CUX1: variants seen among roughly 807,000 people sequenced by gnomAD.
CUX1 encodes the protein cut like homeobox 1.
CUX1 carries 31 observed loss-of-function variants against 158.8 expected under a neutral mutation model. That is an observed-to-expected ratio of 0.20 (90% CI 0.15 to 0.26). The LOEUF is 0.26. Among genes scored for constraint, CUX1 ranks in the 10% least tolerant of loss-of-function variants. The pLI is 1.00. For synonymous variants in CUX1, 879 were observed against 862.1 expected, an observed-to-expected ratio of 1.02 and a Z score of -0.34; for missense variants, 1,589 against 2,014.6, an observed-to-expected ratio of 0.79 and a Z score of 4.04.
intron 21 of CUX1, among the ~76,000 whole-genome samples, chr7:102,231,804 C>T (rs552896432): frequency 6.0e-4 from 90 of 151,156 alleles, no homozygotes; most frequent in Non-Finnish European, 9.6e-4. Flanking sequence ...AGCTCCGCCT[C>T]CCGGGTTCAC....
chr7:101,964,549 C>CTCATTCTTTTTTGCCG (rs1408453509), intron 2 of CUX1, among the ~76,000 whole-genome samples: 1 of 152,080 alleles, frequency 6.6e-6, no homozygotes, highest in Admixed American at 6.6e-5. Flanking sequence ...TTTCAAGTTT[C>CTCATTCTTTTTTGCCG]TCATTCTTTT....
At chr7:101,821,947 C>G (rs1175358503) in intron 1 of CUX1, among the ~76,000 whole-genome samples, 1 of 145,830 alleles carries the variant, frequency 6.9e-6, no homozygotes, top group Non-Finnish European at 1.5e-5. Context: ...CTGAGCCTCC[C>G]GGGTTCACGC....
At chr7:101,825,778 TGTGTGTGTGTGTGTGTGTGTGCGC>T (rs1007161090) in intron 1 of CUX1, among the ~76,000 whole-genome samples, 7 of 99,046 alleles carry the variant, frequency 7.1e-5, no homozygotes, top group East Asian at 6.0e-4. Context: ...TGTGTGTGTG[TGTGTGTGTGTGTGTGTGTGTGCGC>T]GCGCGCGCGC....
chr7:102,035,955 TCCA>T (rs1821378015), intron 3 of CUX1, among the ~76,000 whole-genome samples: 1 of 152,136 alleles, frequency 6.6e-6, no homozygotes, highest in Non-Finnish European at 1.5e-5. Flanking sequence ...CACTGCAACC[TCCA>T]CCTCCCGGAT....
chr7:102,175,046 A>G (rs1233455109), intron 10 of CUX1, among the ~76,000 whole-genome samples: 1 of 152,222 alleles, frequency 6.6e-6, no homozygotes, highest in African/African-American at 2.4e-5. Flanking sequence ...CACCTCATTT[A>G]GTTCGTGCGA....
At chr7:102,006,370 C>G (rs1203617833) in intron 2 of CUX1, among the ~76,000 whole-genome samples, 1 of 152,164 alleles carries the variant, frequency 6.6e-6, no homozygotes, top group African/African-American at 2.4e-5. Context: ...TTTATCTCAT[C>G]TCGGTAGAAT....
rs985396224 is a variant in CUX1 at position 102,204,275 on chromosome 7, G to A, written c.2908-116G>A. The A allele has an allele frequency of 1.1e-4, 153 of 1,343,100 alleles. No individual in the cohort carries two copies. The South Asian group carries it at 1.9e-3, about 17-fold the overall frequency. The allele number at this position is 1,343,100 out of a possible 1,614,324, so 83.2% of individuals were successfully genotyped here. On this transcript the variant is annotated intron_variant, in intron 18 of 23. Transcript: ENST00000292535. Reference sequence around the variant, plus strand: ...CACCGCCACCAGGCCGTGGTTCTGTGCTCAGAAGTCAGCCCTAGACGCGCC... The same window carrying A: ...CACCGCCACCAGGCCGTGGTTCTGTACTCAGAAGTCAGCCCTAGACGCGCC...
intron 1 of CUX1, among the ~76,000 whole-genome samples, chr7:101,873,678 A>C (rs980586263): frequency 6.6e-6 from 1 of 151,958 alleles, no homozygotes; most frequent in African/African-American, 2.4e-5. Flanking sequence ...CCACTTCCCG[A>C]GTTCAAGCGA....
At chr7:102,280,886 C>G (rs201286613) in intron 20 of CUX1, 266 of 1,605,540 alleles carry the variant, frequency 1.7e-4, no homozygotes, top group East Asian at 5.6e-4. Flanking sequence ...TACCCACCCC[C>G]TCCCTGGACA....
intron 3 of CUX1, among the ~76,000 whole-genome samples, chr7:102,069,004 G>C (rs1274928709): frequency 6.6e-6 from 1 of 152,156 alleles, no homozygotes; most frequent in Non-Finnish European, 1.5e-5. Context: ...GCAAAACCTT[G>C]CCAGTTGCCT....
intron 3 of CUX1, among the ~76,000 whole-genome samples, chr7:102,063,913 C>G (rs987354420): frequency 1.4e-4 from 21 of 152,174 alleles, no homozygotes; most frequent in African/African-American, 4.8e-4. Flanking sequence ...ATCTGTCATC[C>G]TAGAACTCCA....
Position 102,158,615 on chromosome 7 carries a change from C to T in CUX1, c.723+7C>T. 9 of 1,613,968 alleles carry T rather than the reference C, an allele frequency of 5.6e-6. No individual in the cohort carries two copies. The highest frequency in any genetic ancestry group is 7.6e-6 in the Non-Finnish European group (9 of 1,179,884). On this transcript the variant is annotated splice_region_variant and intron_variant, in intron 9 of 23. Transcript: ENST00000292535. ...CCTTGAAAGGGCAAACCAGGTAGGA[C>T]CCTGGACGCTTTTAGTCCTAAAACC...
At chr7:102,128,968 T>G (rs1452504621) in intron 8 of CUX1, among the ~76,000 whole-genome samples, 2 of 150,924 alleles carry the variant, frequency 1.3e-5, no homozygotes. Context: ...ACAGAGACTC[T>G]GTTTCAAAAA....
chr7:101,910,526 C>A (rs567067925), intron 1 of CUX1, among the ~76,000 whole-genome samples: 1 of 151,972 alleles, frequency 6.6e-6, no homozygotes, highest in Non-Finnish European at 1.5e-5. Flanking sequence ...CAGGCCAAGG[C>A]GGGCAGATCG....
At chr7:101,992,637 C>A (rs1403213784) in intron 2 of CUX1, among the ~76,000 whole-genome samples, 1 of 152,138 alleles carries the variant, frequency 6.6e-6, no homozygotes, top group Non-Finnish European at 1.5e-5. Context: ...TGATTTAGAT[C>A]TTATTTCAGT....
intron 4 of CUX1, among the ~76,000 whole-genome samples, chr7:102,094,689 G>A (rs952545967): frequency 2.4e-4 from 36 of 152,144 alleles, no homozygotes; most frequent in African/African-American, 7.7e-4. Flanking sequence ...GAAAGCCTAC[G>A]TGAGCAACTC....
rs200391364 is a variant in CUX1 at position 102,201,922 on chromosome 7, G to A, written c.2625G>A (p.Ser875=). ...GCAGTCAGCTCCAGGGACCCTCGTCGTCAGAGTACTGGAAGGAGTGGCCCA... is the reference window on the plus strand; with the variant it reads ...GCAGTCAGCTCCAGGGACCCTCGTCATCAGAGTACTGGAAGGAGTGGCCCA... ...AERSQLQGPS[S]SEYWKEWPSA... is the part of the protein sequence containing the mutation. Residue 875 remains serine (S), a synonymous_variant, in exon 18 of 24, where the codon TCG becomes TCA. Coordinates refer to ENST00000292535, the MANE Select transcript of CUX1 (RefSeq NM_181552.4). The surrounding 1 kb of genome is among the most constrained non-coding windows in gnomAD (Gnocchi z 5.0). 129 of 1,614,066 alleles carry A rather than the reference G, an allele frequency of 8.0e-5. No homozygotes were observed. The highest frequency in any genetic ancestry group is 4.9e-4 in the Middle Eastern group (3 of 6,062).
chr7:102,254,903 A>G lies in CUX1; in HGVS notation c.*5861A>G. On this transcript the variant is annotated 3_prime_UTR_variant, in exon 24 of 24. Coordinates refer to ENST00000292535, the MANE Select transcript of CUX1 (RefSeq NM_181552.4). ...CAGGTTTTGACTTTTTGTAGATGAA[A>G]ACTACCAGGGAAAAGGGGAAGCAGG... 1.0e-6 allele frequency: 1 copy of G among 985,462 alleles called. No homozygotes were observed. The highest frequency in any genetic ancestry group is 1.7e-5 in the African/African-American group (1 of 57,360). 61.0% of individuals were successfully genotyped at this position (985,462 alleles called of 1,614,324 possible).
At chr7:101,943,529 G>C (rs1807979207) in intron 2 of CUX1, among the ~76,000 whole-genome samples, 1 of 152,118 alleles carries the variant, frequency 6.6e-6, no homozygotes, top group Non-Finnish European at 1.5e-5. Flanking sequence ...CTTTGGTGCA[G>C]TCTTGGTGTT....
Sources: allele counts gnomAD v4.1 joint callset (sites outside exome capture counted in the v4.1 genomes callset), GRCh38; gene constraint gnomAD v4.1.1; non-coding constraint Gnocchi (gnomAD v3.1); transcripts MANE v1.5; gene names NCBI Gene and HGNC (gene_info 2026-07-23, HGNC 2026-07-21).